DPP10: variants seen among roughly 807,000 people sequenced by gnomAD.
DPP10 encodes the protein dipeptidyl peptidase like 10.
Under a neutral mutation model 120.9 loss-of-function variants are expected in DPP10, and 33 were observed. That is an observed-to-expected ratio of 0.27 (90% CI 0.21 to 0.37). The LOEUF (loss-of-function observed/expected upper bound fraction) is 0.37. DPP10 is among the 10% of genes least tolerant of loss of function. The pLI, the probability that DPP10 is intolerant of heterozygous loss-of-function variation, is 1.00. For missense variants in DPP10, 816 were observed against 942.8 expected (o/e 0.87, Z 1.76); for synonymous variants, 337 against 326.1 (o/e 1.03, Z -0.36).
chr2:114,847,380 A>T (rs1688626079), intron 1 of DPP10, among the ~76,000 whole-genome samples: 3 of 152,180 alleles, frequency 2.0e-5, no homozygotes, highest in Non-Finnish European at 4.4e-5. Context: ...TTTTATCTCC[A>T]GGTAAAGGTG....
chr2:115,836,234 T>A lies in DPP10; in HGVS notation c.2028T>A (p.Pro676=), dbSNP rs1412498719. ...TTAAATGTGGATCCGTGGTTGCACC[T>A]ATCACAGACTTGAAATTGTATGGTG... is the stretch of plus-strand genomic sequence containing the variant. ...KLFKCGSVVA[P]ITDLKLYASA... Residue 676 remains proline, a synonymous_variant, in exon 22 of 26, where the codon CCT becomes CCA. Coordinates refer to ENST00000410059, the MANE Select transcript of DPP10 (RefSeq NM_020868.6). 1.2e-6 allele frequency: 2 copies of A among 1,608,574 alleles called. No homozygotes were observed.
chr2:115,780,183 A>C (rs949702065), intron 15 of DPP10, among the ~76,000 whole-genome samples: 1 of 151,994 alleles, frequency 6.6e-6, no homozygotes, highest in Non-Finnish European at 1.5e-5. Flanking sequence ...AATTTGATAA[A>C]TGAAATTTAA....
intron 1 of DPP10, among the ~76,000 whole-genome samples, chr2:115,169,665 C>T (rs1264610625): frequency 1.3e-5 from 2 of 152,096 alleles, no homozygotes; most frequent in African/African-American, 4.8e-5. Flanking sequence ...CTTAGAAATT[C>T]TTTGCATACG....
intron 1 of DPP10, among the ~76,000 whole-genome samples, chr2:115,257,918 G>A (rs1200229056): frequency 6.6e-6 from 1 of 152,074 alleles, no homozygotes; most frequent in South Asian, 2.1e-4. Flanking sequence ...GGGTTTTTTT[G>A]TTAAGAGAAG....
chr2:115,835,366 C>A (rs1689371222), intron 21 of DPP10, among the ~76,000 whole-genome samples: 1 of 152,138 alleles, frequency 6.6e-6, no homozygotes, highest in Non-Finnish European at 1.5e-5. Flanking sequence ...AAGTTTGTCA[C>A]GCATAGTGAA....
At chr2:114,582,421 C>T (rs1309514936) in intron 1 of DPP10, among the ~76,000 whole-genome samples, 2 of 152,152 alleles carry the variant, frequency 1.3e-5, no homozygotes, top group Non-Finnish European at 2.9e-5. Flanking sequence ...GGTTTTTGAA[C>T]AGATATATGT....
At chr2:114,460,367 A>G (rs1172939144) in intron 1 of DPP10, among the ~76,000 whole-genome samples, 3 of 152,142 alleles carry the variant, frequency 2.0e-5, no homozygotes, top group Admixed American at 6.6e-5. Flanking sequence ...ATCTATAGAC[A>G]TTTTGCATAT....
At chr2:115,506,014 C>T (rs879753211) in intron 4 of DPP10, among the ~76,000 whole-genome samples, 4 of 139,222 alleles carry the variant, frequency 2.9e-5, no homozygotes, top group Non-Finnish European at 6.3e-5. Context: ...ATAAAACACT[C>T]AGTGTTTTAT....
chr2:115,716,938 G>A (rs1022940590), intron 7 of DPP10, among the ~76,000 whole-genome samples: 1 of 152,188 alleles, frequency 6.6e-6, no homozygotes, highest in Non-Finnish European at 1.5e-5. Context: ...ATTTCTTCTA[G>A]TGTCCCTCAT....
intron 1 of DPP10, among the ~76,000 whole-genome samples, chr2:114,962,367 T>C (rs1698704531): frequency 1.3e-5 from 2 of 152,188 alleles, no homozygotes; most frequent in South Asian, 4.1e-4. Context: ...TCATAGTGAA[T>C]GGGATCAGAC....
chr2:115,392,729 A>G (rs780771424), intron 3 of DPP10, among the ~76,000 whole-genome samples: 46 of 152,126 alleles, frequency 3.0e-4, no homozygotes, highest in South Asian at 1.7e-3. Context: ...TTAAATTACA[A>G]TGAATTTTTT....
At chr2:115,258,665 T>A (rs1287559430) in intron 1 of DPP10, among the ~76,000 whole-genome samples, 1 of 152,150 alleles carries the variant, frequency 6.6e-6, no homozygotes, top group Admixed American at 6.5e-5. Flanking sequence ...TTACACACAT[T>A]GGGAGGCTGA....
At chr2:114,996,140 G>A (rs183251865) in intron 1 of DPP10, among the ~76,000 whole-genome samples, 19 of 152,322 alleles carry the variant, frequency 1.2e-4, no homozygotes, top group Admixed American at 3.9e-4. Context: ...TTACGGATGG[G>A]TGTGGAAACT....
chr2:115,807,791 GAA>G (rs200850979), intron 19 of DPP10, among the ~76,000 whole-genome samples: 6 of 141,256 alleles, frequency 4.2e-5, no homozygotes, highest in South Asian at 2.2e-4. Flanking sequence ...TGGAGATCAA[GAA>G]AAAAAAAAAC....
intron 3 of DPP10, among the ~76,000 whole-genome samples, chr2:115,436,363 ACT>A (rs547494394): frequency 1.9e-4 from 28 of 150,852 alleles, no homozygotes; most frequent in Admixed American, 8.7e-4. Flanking sequence ...GATATCATTA[ACT>A]CTTTTAAATC....
intron 1 of DPP10, chr2:115,131,209 G>A (rs2050339430): frequency 6.6e-6 from 1 of 152,156 alleles, no homozygotes; most frequent in Admixed American, 6.6e-5. Flanking sequence ...TGAACATGAA[G>A]CAAAATTAAA....
intron 1 of DPP10, among the ~76,000 whole-genome samples, chr2:114,464,710 T>A (rs887232113): frequency 6.6e-6 from 1 of 152,092 alleles, no homozygotes; most frequent in African/African-American, 2.4e-5. Flanking sequence ...CCTAAATAAT[T>A]GTCCATTGGC....
intron 3 of DPP10, among the ~76,000 whole-genome samples, chr2:115,452,597 TC>T (rs1031024117): frequency 1.3e-5 from 2 of 151,994 alleles, no homozygotes; most frequent in African/African-American, 4.8e-5. Flanking sequence ...CTTGTATTCT[TC>T]CCCAGCATTT....
At chr2:115,246,961 C>G (rs902958971) in intron 1 of DPP10, among the ~76,000 whole-genome samples, 2 of 151,958 alleles carry the variant, frequency 1.3e-5, no homozygotes, top group African/African-American at 4.8e-5. Context: ...GAGAAGTGCA[C>G]GAGAAAACCT....
Sources: allele counts gnomAD v4.1 joint callset (sites outside exome capture counted in the v4.1 genomes callset), GRCh38; gene constraint gnomAD v4.1.1; transcripts MANE v1.5; gene names NCBI Gene and HGNC (gene_info 2026-07-23, HGNC 2026-07-21).